Variants in FTO observed in about 807,000 individuals in gnomAD.
The protein encoded by FTO is alpha-ketoglutarate-dependent dioxygenase FTO.
Under a neutral mutation model 63.9 loss-of-function variants are expected in FTO, and 47 were observed. The observed-to-expected ratio is 0.74, with a 90% CI of 0.58 to 0.94. FTO has a LOEUF of 0.94. Ranked by LOEUF, FTO falls within the 40% of genes least tolerant of loss-of-function variation. FTO has a pLI of 0.00. For synonymous variants in FTO, 207 were observed against 224.4 expected, an observed-to-expected ratio of 0.92 and a Z score of 0.69; for missense variants, 562 against 618.1, an observed-to-expected ratio of 0.91 and a Z score of 0.96.
At chr16:54,067,173 A>G (rs1226771488) in intron 8 of FTO, among the ~76,000 whole-genome samples, 1 of 99,106 alleles carries the variant, frequency 1.0e-5, no homozygotes, top group Middle Eastern at 5.6e-3. Flanking sequence ...GAATAGACTT[A>G]AAAAAAAAAA....
At chr16:54,082,381 A>G (rs947643385) in intron 8 of FTO, among the ~76,000 whole-genome samples, 3 of 152,234 alleles carry the variant, frequency 2.0e-5, no homozygotes, top group African/African-American at 7.2e-5. Flanking sequence ...TAATATGTAG[A>G]AAACATGACC....
At chr16:53,800,194 G>T (rs1039204448) in intron 1 of FTO, among the ~76,000 whole-genome samples, 1 of 151,914 alleles carries the variant, frequency 6.6e-6, no homozygotes, top group African/African-American at 2.4e-5. Flanking sequence ...TTTGAAATTT[G>T]TATTTTCATT....
intron 6 of FTO, among the ~76,000 whole-genome samples, chr16:53,885,241 T>A (rs1458605522): frequency 2.0e-5 from 3 of 152,182 alleles, no homozygotes; most frequent in Admixed American, 2.0e-4. Context: ...AGGTGGAGAT[T>A]TTTTTTGCCT....
At chr16:54,097,293 G>A (rs1406630404) in intron 8 of FTO, among the ~76,000 whole-genome samples, 7 of 151,962 alleles carry the variant, frequency 4.6e-5, no homozygotes, top group Admixed American at 3.9e-4. Flanking sequence ...ATACCATCTG[G>A]CTTGTTAGGT....
intron 8 of FTO, chr16:54,008,589 C>G (rs918269308): frequency 6.6e-6 from 1 of 151,912 alleles, no homozygotes; most frequent in Admixed American, 6.6e-5. Context: ...CTGCATTCCC[C>G]ACTTAATGCA....
In FTO at chr16:53,871,477, G is replaced by C. The variant is rs987711431; in HGVS notation, c.896-2309G>C. 3.3e-5 allele frequency among the ~76,000 whole-genome samples: 5 copies of C among 152,194 alleles called. No individual in the cohort carries two copies. In the East Asian group the frequency reaches 9.6e-4, roughly 29 times the overall value. On this transcript the variant is annotated intron_variant, in intron 4 of 8. Coordinates refer to ENST00000471389, the MANE Select transcript of FTO (RefSeq NM_001080432.3). Reference sequence around the variant, plus strand: ...GTGAGTTTTGTTTCAGATACTGCATGTTTAACCTTTAGAAGCTTCACTTAT... The same window carrying C: ...GTGAGTTTTGTTTCAGATACTGCATCTTTAACCTTTAGAAGCTTCACTTAT...
intron 8 of FTO, among the ~76,000 whole-genome samples, chr16:54,014,836 TTC>T (rs1278613930): frequency 1.7e-5 from 2 of 119,484 alleles, no homozygotes; most frequent in Non-Finnish European, 3.2e-5. Context: ...ATCTCCTACT[TTC>T]TCTCTCTCTC....
chr16:53,816,356 T>C (rs547032131), intron 2 of FTO, among the ~76,000 whole-genome samples: 1 of 152,144 alleles, frequency 6.6e-6, no homozygotes, highest in African/African-American at 2.4e-5. Flanking sequence ...TTTGAAAACA[T>C]AAATCAGCTC....
intron 8 of FTO, among the ~76,000 whole-genome samples, chr16:54,074,849 G>C (rs2085947491): frequency 6.6e-6 from 1 of 152,010 alleles, no homozygotes; most frequent in African/African-American, 2.4e-5. Flanking sequence ...CAAGTAGCCA[G>C]TGAGCATACC....
chr16:53,790,579 C>CCCA, intron 1 of FTO, among the ~76,000 whole-genome samples: 1 of 55,204 alleles, frequency 1.8e-5, no homozygotes, highest in East Asian at 6.9e-4. Flanking sequence ...CAAAATAAAG[C>CCCA]AAAAAAAAAA....
chr16:54,026,363 G>A (rs772130978), intron 8 of FTO, among the ~76,000 whole-genome samples: 1 of 152,190 alleles, frequency 6.6e-6, no homozygotes, highest in African/African-American at 2.4e-5. Context: ...AAGAAAGGGA[G>A]GGAAGGGTAT....
intron 8 of FTO, among the ~76,000 whole-genome samples, chr16:54,059,098 G>A (rs942687420): frequency 3.9e-5 from 6 of 152,178 alleles, no homozygotes; most frequent in Non-Finnish European, 5.9e-5. Flanking sequence ...ATGAAAAATC[G>A]TAGTTTACAC....
intron 1 of FTO, among the ~76,000 whole-genome samples, chr16:53,722,843 T>C (rs1024194233): frequency 1.4e-5 from 2 of 147,932 alleles, no homozygotes; most frequent in African/African-American, 5.0e-5. Flanking sequence ...AAAAAAAAAA[T>C]GTTTTGTGTA....
intron 8 of FTO, among the ~76,000 whole-genome samples, chr16:54,034,682 C>T (rs533394632): frequency 4.6e-5 from 7 of 152,292 alleles, no homozygotes; most frequent in Admixed American, 1.3e-4. Flanking sequence ...TTAATGCTTT[C>T]AAGTCACAAA....
intron 4 of FTO, among the ~76,000 whole-genome samples, chr16:53,871,148 T>G (rs2080481208): frequency 6.6e-6 from 1 of 152,170 alleles, no homozygotes; most frequent in Non-Finnish European, 1.5e-5. Flanking sequence ...TCTTATATCT[T>G]TTTTTGCTTA....
chr16:53,905,310 T>C (rs773776396), intron 7 of FTO, among the ~76,000 whole-genome samples: 1 of 152,186 alleles, frequency 6.6e-6, no homozygotes, highest in African/African-American at 2.4e-5. Flanking sequence ...CATTTTGTTG[T>C]GTATGACAGT....
rs575622461 is a variant in FTO at position 53,955,622 on chromosome 16, C to T, written c.1364+21513C>T. Among the ~76,000 whole-genome samples the T allele has an allele frequency of 1.6e-4, 24 of 152,250 alleles. No homozygotes were observed. In the East Asian group the frequency reaches 2.9e-3, roughly 18 times the overall value. On this transcript the variant is annotated intron_variant, in intron 8 of 8. Transcript: ENST00000471389. The stretch of plus-strand genomic sequence containing the variant: ...ATCCAAATTCTATTTACAAAGTATA[C>T]GGAAAGTTTCCACTGTGTGGCCAGT...
chr16:53,955,952 T>TG (rs2082919919), intron 8 of FTO, among the ~76,000 whole-genome samples: 1 of 152,012 alleles, frequency 6.6e-6, no homozygotes, highest in Admixed American at 6.6e-5. Flanking sequence ...AAGACCGGTC[T>TG]GGGCAACATA....
chr16:53,726,451 T>C (rs2076155159), intron 1 of FTO, among the ~76,000 whole-genome samples: 1 of 152,222 alleles, frequency 6.6e-6, no homozygotes, highest in Admixed American at 6.5e-5. Flanking sequence ...CTTTCATTTT[T>C]TTAGGATCTG....
Sources: gnomAD v4.1 joint callset for allele counts (sites outside exome capture counted in the v4.1 genomes callset) on GRCh38, gnomAD v4.1.1 for gene constraint, MANE v1.5 for transcripts, NCBI Gene and HGNC (gene_info 2026-07-23, HGNC 2026-07-21) for gene names.